PBX3: variants seen among roughly 807,000 people sequenced by gnomAD.
PBX3 encodes the protein pre-B-cell leukemia transcription factor 3.
In PBX3, 14 loss-of-function variants were observed where a neutral mutation model predicts 48.5. That is an observed-to-expected ratio of 0.29 (90% CI 0.19 to 0.45). PBX3 has a LOEUF of 0.45. Among genes scored for constraint, PBX3 ranks in the 20% least tolerant of loss-of-function variants. PBX3 has a pLI of 1.00. For missense variants in PBX3, 386 were observed against 546.7 expected (o/e 0.71, Z 2.93); for synonymous variants, 210 against 200.3 (o/e 1.05, Z -0.41).
chr9:125,886,086 G>A (rs1840493828), intron 2 of PBX3, among the ~76,000 whole-genome samples: 1 of 152,066 alleles, frequency 6.6e-6, no homozygotes, highest in East Asian at 1.9e-4. Flanking sequence ...AAGTTGTACT[G>A]GAGGAAGTTA....
At chr9:125,873,658 A>G (rs1017988108) in intron 2 of PBX3, among the ~76,000 whole-genome samples, 1 of 152,214 alleles carries the variant, frequency 6.6e-6, no homozygotes, top group Non-Finnish European at 1.5e-5. Context: ...TGATAAAAGT[A>G]TAGTTTACAC....
At chr9:125,883,955 A>G (rs1056825711) in intron 2 of PBX3, among the ~76,000 whole-genome samples, 4 of 152,194 alleles carry the variant, frequency 2.6e-5, no homozygotes, top group Admixed American at 6.5e-5. Flanking sequence ...GCCTGCCTGA[A>G]GCATCCCAGT....
chr9:125,944,582 A>G (rs1043589331), intron 5 of PBX3, among the ~76,000 whole-genome samples: 3 of 152,208 alleles, frequency 2.0e-5, no homozygotes, highest in Admixed American at 6.5e-5. Flanking sequence ...TAGTACAAAG[A>G]GGGGTTTACT....
intron 2 of PBX3, among the ~76,000 whole-genome samples, chr9:125,871,338 G>A (rs142568408): frequency 1.4e-5 from 2 of 146,700 alleles, no homozygotes; most frequent in East Asian, 2.0e-4. Flanking sequence ...CTGAAATTGC[G>A]CCACTGCACT....
At chr9:125,960,965 G>A in intron 6 of PBX3, 116 bp downstream of exon 6, 1 of 569,936 alleles carries the variant, frequency 1.8e-6, no homozygotes, top group Non-Finnish European at 2.8e-6. Context: ...TAAAAAGGAA[G>A]ATTTATGTTC....
rs1837865401 is a variant in PBX3 at position 125,799,068 on chromosome 9, T to C, written c.274+50445T>C. On this transcript the variant is annotated intron_variant, in intron 2 of 8. Transcript: ENST00000373489. ...GATGTTTTTGGGGTTGTCTGTTGTT[T>C]AGTAATCATAAAACTTTATTACATC... Among the ~76,000 whole-genome samples the C allele has an allele frequency of 3.3e-5, 5 of 152,228 alleles. No homozygotes were observed. The South Asian group carries it at 1.0e-3, about 31-fold the overall frequency.
chr9:125,838,898 G>C (rs1262663844), intron 2 of PBX3, among the ~76,000 whole-genome samples: 1 of 152,128 alleles, frequency 6.6e-6, no homozygotes, highest in African/African-American at 2.4e-5. Flanking sequence ...ATTTTTGGAA[G>C]GATTTGTTAG....
intron 2 of PBX3, among the ~76,000 whole-genome samples, chr9:125,811,441 C>T (rs1030040907): frequency 1.4e-4 from 21 of 152,096 alleles, no homozygotes; most frequent in Non-Finnish European, 1.5e-5. Flanking sequence ...GTTCCCCCAT[C>T]CTGTTCTCAT....
chr9:125,876,264 G>A (rs1214811459), intron 2 of PBX3, among the ~76,000 whole-genome samples: 1 of 152,120 alleles, frequency 6.6e-6, no homozygotes, highest in African/African-American at 2.4e-5. Flanking sequence ...TGGAATTAAA[G>A]AATATAACAA....
At chr9:125,780,278 C>G (rs1391713004) in intron 2 of PBX3, among the ~76,000 whole-genome samples, 32 of 117,752 alleles carry the variant, frequency 2.7e-4, no homozygotes, top group East Asian at 7.1e-4. Context: ...GGTGGCTGGC[C>G]CGGCAGAGGG....
At chr9:125,775,431 G>A (rs1837047314) in intron 2 of PBX3, among the ~76,000 whole-genome samples, 1 of 152,134 alleles carries the variant, frequency 6.6e-6, no homozygotes, top group Admixed American at 6.5e-5. Flanking sequence ...TATGGTGTGA[G>A]GTAGTGGTCC....
At chr9:125,782,299 A>T (rs1251429435) in intron 2 of PBX3, among the ~76,000 whole-genome samples, 1 of 152,174 alleles carries the variant, frequency 6.6e-6, no homozygotes, top group Non-Finnish European at 1.5e-5. Flanking sequence ...TCATGAGACC[A>T]GCATGGGGAA....
chr9:125,927,938 C>T (rs137912946), intron 3 of PBX3, among the ~76,000 whole-genome samples: 7,385 of 151,996 alleles, frequency 0.049, 579 homozygotes, highest in African/African-American at 0.17. Context: ...CCTAGCACTT[C>T]GGGAGGCTGA....
chr9:125,843,997 T>G (rs1839359140), intron 2 of PBX3, among the ~76,000 whole-genome samples: 1 of 151,988 alleles, frequency 6.6e-6, no homozygotes, highest in Non-Finnish European at 1.5e-5. Flanking sequence ...GTGGTGAAGG[T>G]TTATAAAATG....
chr9:125,919,247 T>G (rs1165603474), intron 3 of PBX3, among the ~76,000 whole-genome samples: 2 of 151,780 alleles, frequency 1.3e-5, no homozygotes, highest in African/African-American at 4.8e-5. Context: ...AGAATCTCAC[T>G]CTGTCACGCA....
At chr9:125,937,896 A>G (rs1040630072) in intron 5 of PBX3, among the ~76,000 whole-genome samples, 3 of 152,196 alleles carry the variant, frequency 2.0e-5, no homozygotes, top group Admixed American at 6.6e-5. Context: ...CCTGGCCTCA[A>G]GTGATCCTCC....
At chr9:125,748,782 T>C (rs1836283076) in intron 2 of PBX3, 159 bp downstream of exon 2, 2 of 547,206 alleles carry the variant, frequency 3.7e-6, no homozygotes, top group African/African-American at 3.8e-5. Flanking sequence ...CTGCAATAAA[T>C]CTGGAGTCAA....
At chr9:125,875,626 C>T (rs996687175) in intron 2 of PBX3, among the ~76,000 whole-genome samples, 2 of 152,036 alleles carry the variant, frequency 1.3e-5, no homozygotes, top group Admixed American at 1.3e-4. Context: ...ATTCTTGGTT[C>T]TAGTTCTTGG....
At chr9:125,941,058 C>G (rs962710002) in intron 5 of PBX3, among the ~76,000 whole-genome samples, 1 of 152,090 alleles carries the variant, frequency 6.6e-6, no homozygotes, top group African/African-American at 2.4e-5. Flanking sequence ...ACAAGACAGT[C>G]AGTTACAAAG....
Sources: allele counts gnomAD v4.1 joint callset (sites outside exome capture counted in the v4.1 genomes callset), GRCh38; gene constraint gnomAD v4.1.1; transcripts MANE v1.5; gene names NCBI Gene and HGNC (gene_info 2026-07-23, HGNC 2026-07-21).